The following PTPRK variants were observed in gnomAD, a reference collection of about 807,000 sequenced individuals.
PTPRK encodes protein tyrosine phosphatase receptor type K, also known as receptor-type tyrosine-protein phosphatase kappa.
PTPRK carries 75 observed loss-of-function variants against 178.0 expected under a neutral mutation model. The observed-to-expected ratio is 0.42, with a 90% confidence interval of 0.35 to 0.51. PTPRK has a LOEUF of 0.51. Ranked by LOEUF, PTPRK falls within the 20% of genes least tolerant of loss-of-function variation. PTPRK has a pLI of 0.02. For synonymous variants in PTPRK, 637 were observed against 620.6 expected, an observed-to-expected ratio of 1.03 and a Z score of -0.39; for missense variants, 1,441 against 1,797.8, an observed-to-expected ratio of 0.80 and a Z score of 3.59.
intron 1 of PTPRK, among the ~76,000 whole-genome samples, chr6:128,483,726 AT>A (rs1479010222): frequency 1.3e-5 from 2 of 152,166 alleles, no homozygotes; most frequent in Non-Finnish European, 2.9e-5. Flanking sequence ...CCTGTCCCAA[AT>A]AAAATCTCTG....
At chr6:128,457,330 A>G (rs1340799719) in intron 1 of PTPRK, among the ~76,000 whole-genome samples, 1 of 152,110 alleles carries the variant, frequency 6.6e-6, no homozygotes, top group Non-Finnish European at 1.5e-5. Context: ...TGCTTGTTGC[A>G]TCACTTTTTG....
chr6:128,087,104 G>C (rs1251391517), intron 8 of PTPRK, among the ~76,000 whole-genome samples: 1 of 152,022 alleles, frequency 6.6e-6, no homozygotes, highest in Non-Finnish European at 1.5e-5. Flanking sequence ...TTGATTATTA[G>C]TCTAGTCATA....
chr6:128,099,414 C>T (rs936203195), intron 7 of PTPRK, among the ~76,000 whole-genome samples: 1 of 151,726 alleles, frequency 6.6e-6, no homozygotes, highest in Admixed American at 6.6e-5. Context: ...AGCTCTTCTC[C>T]CCTCCCCCAA....
intron 8 of PTPRK, among the ~76,000 whole-genome samples, chr6:128,086,919 C>T (rs1785949985): frequency 6.6e-6 from 1 of 151,690 alleles, no homozygotes; most frequent in African/African-American, 2.4e-5. Flanking sequence ...TTATTCAAAA[C>T]AGAGATTAAA....
intron 7 of PTPRK, among the ~76,000 whole-genome samples, chr6:128,170,591 C>T (rs1203262168): frequency 1.3e-5 from 2 of 151,932 alleles, no homozygotes; most frequent in South Asian, 2.1e-4. Flanking sequence ...CTTAGGAGTG[C>T]CACCTTGGGA....
At chr6:128,261,384 T>G (rs1818155405) in intron 3 of PTPRK, among the ~76,000 whole-genome samples, 2 of 152,210 alleles carry the variant, frequency 1.3e-5, no homozygotes, top group Non-Finnish European at 2.9e-5. Flanking sequence ...AACTAGCACT[T>G]AAGATATTTT....
chr6:128,118,030 C>G (rs1353604547), intron 7 of PTPRK, among the ~76,000 whole-genome samples: 1 of 152,128 alleles, frequency 6.6e-6, no homozygotes, highest in Non-Finnish European at 1.5e-5. Context: ...AATAAATGCA[C>G]AAACTCAACA....
At chr6:128,256,739 G>A (rs933755245) in intron 3 of PTPRK, among the ~76,000 whole-genome samples, 1 of 151,928 alleles carries the variant, frequency 6.6e-6, no homozygotes, top group Non-Finnish European at 1.5e-5. Context: ...CCCGGCTGTA[G>A]GCAAACTATT....
At chr6:128,497,632 CCT>C (rs1854882052) in intron 1 of PTPRK, among the ~76,000 whole-genome samples, 1 of 151,978 alleles carries the variant, frequency 6.6e-6, no homozygotes, top group Admixed American at 6.6e-5. Context: ...TCCTATTTCC[CCT>C]CTTTTAAAAT....
chr6:128,081,953 T>C (rs112360777), intron 10 of PTPRK, among the ~76,000 whole-genome samples: 5,252 of 152,118 alleles, frequency 0.035, 159 homozygotes, highest in Middle Eastern at 0.092. Flanking sequence ...AACTTATATG[T>C]ATTTATATAA....
At chr6:128,257,228 C>CA (rs748718428) in intron 3 of PTPRK, among the ~76,000 whole-genome samples, 340 of 120,958 alleles carry the variant, frequency 2.8e-3, no homozygotes, top group African/African-American at 6.5e-3. Flanking sequence ...AAACTCCATC[C>CA]AAAAAAAAAA....
intron 2 of PTPRK, among the ~76,000 whole-genome samples, chr6:128,349,552 C>T (rs1315773803): frequency 6.6e-6 from 1 of 151,552 alleles, no homozygotes; most frequent in East Asian, 1.9e-4. Flanking sequence ...GCTGTTTTAC[C>T]ACCTTAGTTA....
At chr6:128,215,653 A>G (rs74854934) in intron 6 of PTPRK, among the ~76,000 whole-genome samples, 2,477 of 152,248 alleles carry the variant, frequency 0.016, 31 homozygotes, top group African/African-American at 0.038. Flanking sequence ...AAATTCTGCA[A>G]TGAAATTTTC....
At chr6:128,388,858 T>C (rs1296809124) in intron 2 of PTPRK, among the ~76,000 whole-genome samples, 1 of 152,256 alleles carries the variant, frequency 6.6e-6, no homozygotes, top group East Asian at 1.9e-4. Context: ...TGACCTAACA[T>C]GGATAAAAAT....
intron 7 of PTPRK, among the ~76,000 whole-genome samples, chr6:128,157,906 A>T (rs1459079621): frequency 6.6e-6 from 1 of 151,994 alleles, no homozygotes; most frequent in Admixed American, 6.6e-5. Context: ...CTTTGATGGT[A>T]GTTTCTTTAG....
chr6:128,128,792 T>C (rs1045855655), intron 7 of PTPRK, among the ~76,000 whole-genome samples: 3 of 152,220 alleles, frequency 2.0e-5, no homozygotes, highest in Non-Finnish European at 4.4e-5. Flanking sequence ...CAAGAGGCAG[T>C]CATTCTTTTC....
At chr6:128,281,432 T>C (rs60915390) in intron 3 of PTPRK, among the ~76,000 whole-genome samples, 21,849 of 152,098 alleles carry the variant, frequency 0.14, 2,639 homozygotes, top group African/African-American at 0.33. Flanking sequence ...CAAATGAATG[T>C]GAAAGGGGCA....
chr6:128,178,618 G>A (rs1583347736), intron 7 of PTPRK, among the ~76,000 whole-genome samples: 1 of 151,774 alleles, frequency 6.6e-6, no homozygotes, highest in Admixed American at 6.6e-5. Flanking sequence ...TGGATTTCCT[G>A]TTTCTGATTT....
chr6:128,153,086 T>G (rs1378881002), intron 7 of PTPRK, among the ~76,000 whole-genome samples: 2 of 151,904 alleles, frequency 1.3e-5, no homozygotes, highest in African/African-American at 4.8e-5. Flanking sequence ...AAGGATACTT[T>G]TTGCCTTCAA....
Sources: gnomAD v4.1 joint callset for allele counts (sites outside exome capture counted in the v4.1 genomes callset) on GRCh38, gnomAD v4.1.1 for gene constraint, MANE v1.5 for transcripts, NCBI Gene and HGNC (gene_info 2026-07-23, HGNC 2026-07-21) for gene names.